Variants in EYS observed in about 807,000 individuals in gnomAD.
EYS encodes protein eyes shut homolog.
A neutral mutation model predicts 282.1 loss-of-function variants in EYS; 250 were observed. That is an observed-to-expected ratio of 0.89 (90% confidence interval 0.80 to 0.98). The LOEUF (loss-of-function observed/expected upper bound fraction) is 0.98, where lower values mean the gene tolerates loss of function less well. Ranked by LOEUF, EYS falls within the 50% of genes least tolerant of loss-of-function variation. EYS has a pLI of 0.00. For synonymous variants in EYS, 1,355 were observed against 1,282.9 expected (o/e 1.06, Z -1.20); for missense variants, 4,016 against 3,709.0 (o/e 1.08, Z -2.15).
intron 33 of EYS, among the ~76,000 whole-genome samples, chr6:64,007,024 G>A (rs1176339865): frequency 2.0e-5 from 3 of 152,130 alleles, no homozygotes; most frequent in Admixed American, 6.5e-5. Flanking sequence ...ATGAATTAAG[G>A]AGGAGTCCCT....
At chr6:64,174,053 T>G (rs1226608381) in intron 31 of EYS, among the ~76,000 whole-genome samples, 2 of 152,138 alleles carry the variant, frequency 1.3e-5, no homozygotes, top group African/African-American at 4.8e-5. Flanking sequence ...ATATGCTAAG[T>G]GAGATAAGCC....
intron 14 of EYS, among the ~76,000 whole-genome samples, chr6:64,957,817 G>A (rs187357886): frequency 6.6e-6 from 1 of 152,010 alleles, no homozygotes; most frequent in African/African-American, 2.4e-5. Flanking sequence ...AATCGTCTAG[G>A]CTTTTTCACA....
intron 22 of EYS, among the ~76,000 whole-genome samples, chr6:64,719,720 C>T (rs1011570729): frequency 7.9e-5 from 12 of 152,062 alleles, no homozygotes; most frequent in South Asian, 2.1e-4. Flanking sequence ...GCCTGGCCAA[C>T]GTGGGAAAAC....
chr6:64,586,063 A>C (rs748854761), intron 26 of EYS, among the ~76,000 whole-genome samples: 1 of 152,094 alleles, frequency 6.6e-6, no homozygotes, highest in Non-Finnish European at 1.5e-5. Flanking sequence ...CTACTCTAAA[A>C]TTCATGTTGA....
At chr6:65,072,842 AAG>A (rs1182589698) in intron 12 of EYS, among the ~76,000 whole-genome samples, 1 of 151,534 alleles carries the variant, frequency 6.6e-6, no homozygotes, top group African/African-American at 2.4e-5. Context: ...GAAATTAAGA[AAG>A]AGATAAAAAT....
At position 63,720,571 on chromosome 6, in the gene EYS, G is replaced by T. The variant is rs1275081374; in HGVS notation, c.*25C>A. On this transcript the variant is annotated 3_prime_UTR_variant, in exon 43 of 43. Coordinates refer to ENST00000503581, the MANE Select transcript of EYS (RefSeq NM_001142800.2). ...CAAAATAACTGCATTTATGTATAGTGTGTACTAAAATCTCTAGTGTTAACT... is the reference window on the plus strand; with the variant it reads ...CAAAATAACTGCATTTATGTATAGTTTGTACTAAAATCTCTAGTGTTAACT... The T allele has an allele frequency of 4.2e-6, 6 of 1,422,178 alleles. No homozygotes were observed. The highest frequency in any genetic ancestry group is 5.6e-6 in the Non-Finnish European group (6 of 1,070,710). The allele number at this position is 1,422,178 out of a possible 1,614,324, so 88.1% of individuals were successfully genotyped here. A position where few individuals can be genotyped will look rare whatever the true frequency, so the allele number is the denominator to read the frequency against.
intron 11 of EYS, among the ~76,000 whole-genome samples, chr6:65,319,493 A>G (rs1769412565): frequency 6.6e-6 from 1 of 151,990 alleles, no homozygotes; most frequent in African/African-American, 2.4e-5. Flanking sequence ...AGAACCGAAA[A>G]CATTTAAATG....
chr6:65,353,672 T>TCTGCTTGA, intron 8 of EYS, 55 bp from the exon 9 acceptor site: 1 of 1,448,156 alleles, frequency 6.9e-7, no homozygotes, highest in Non-Finnish European at 9.6e-7. Flanking sequence ...TATTTTTCAA[T>TCTGCTTGA]ATATACATAT....
chr6:65,004,900 T>A (rs1771592208), intron 13 of EYS, among the ~76,000 whole-genome samples: 1 of 148,036 alleles, frequency 6.8e-6, no homozygotes, highest in Non-Finnish European at 1.5e-5. Flanking sequence ...AGTGACAGCA[T>A]TTTTAAAAAT....
chr6:64,962,452 G>T (rs1769953082), intron 14 of EYS, among the ~76,000 whole-genome samples: 1 of 151,838 alleles, frequency 6.6e-6, no homozygotes, highest in Non-Finnish European at 1.5e-5. Flanking sequence ...ACAAGTAGGT[G>T]GGGCATGGTG....
chr6:65,452,946 A>G (rs1267925766), intron 5 of EYS, among the ~76,000 whole-genome samples: 1 of 152,060 alleles, frequency 6.6e-6, no homozygotes, highest in Non-Finnish European at 1.5e-5. Flanking sequence ...AAAGAAAGAC[A>G]TGAAGGACAT....
At chr6:64,166,618 A>G (rs984959681) in intron 31 of EYS, among the ~76,000 whole-genome samples, 1 of 152,318 alleles carries the variant, frequency 6.6e-6, no homozygotes, top group Middle Eastern at 3.4e-3. Context: ...ACAAAGAGGG[A>G]TATCTCCAAA....
chr6:65,064,096 A>C (rs1227594465), intron 12 of EYS, among the ~76,000 whole-genome samples: 1 of 146,904 alleles, frequency 6.8e-6, no homozygotes, highest in Non-Finnish European at 1.5e-5. Flanking sequence ...ACTTTGCTAC[A>C]TACTAATATA....
At chr6:65,539,553 C>T (rs945421671) in intron 2 of EYS, among the ~76,000 whole-genome samples, 24 of 152,096 alleles carry the variant, frequency 1.6e-4, no homozygotes, top group African/African-American at 5.6e-4. Flanking sequence ...TATAATAATA[C>T]TCCGAATCAC....
At chr6:64,495,345 C>A (rs1442921077) in intron 26 of EYS, among the ~76,000 whole-genome samples, 1 of 151,734 alleles carries the variant, frequency 6.6e-6, no homozygotes, top group African/African-American at 2.4e-5. Flanking sequence ...AAGTCATATC[C>A]TAAGTGAGGA....
intron 12 of EYS, among the ~76,000 whole-genome samples, chr6:65,234,820 T>C (rs1766883146): frequency 6.6e-6 from 1 of 152,206 alleles, no homozygotes; most frequent in Admixed American, 6.6e-5. Context: ...ATCTCATTAA[T>C]TGAATTTCCA....
chr6:65,369,994 T>C (rs1312052979), intron 8 of EYS, among the ~76,000 whole-genome samples: 1 of 151,608 alleles, frequency 6.6e-6, no homozygotes, highest in Non-Finnish European at 1.5e-5. Flanking sequence ...GGTGTGTTTA[T>C]TTGGTTTGGG....
At chr6:64,890,906 T>A (rs1767271202) in intron 18 of EYS, among the ~76,000 whole-genome samples, 1 of 152,128 alleles carries the variant, frequency 6.6e-6, no homozygotes, top group Non-Finnish European at 1.5e-5. Context: ...TCTTTCCTTT[T>A]TGCTTTCAAT....
At chr6:64,463,974 G>A (rs1406187037) in intron 26 of EYS, among the ~76,000 whole-genome samples, 2 of 152,150 alleles carry the variant, frequency 1.3e-5, no homozygotes, top group Non-Finnish European at 2.9e-5. Context: ...ATCAAAGCCA[G>A]ATAAGGTCAC....
Sources: allele counts gnomAD v4.1 joint callset (sites outside exome capture counted in the v4.1 genomes callset), GRCh38; gene constraint gnomAD v4.1.1; transcripts MANE v1.5; gene names NCBI Gene and HGNC (gene_info 2026-07-23, HGNC 2026-07-21).